The following ZFHX3 variants were observed in gnomAD, a reference collection of about 807,000 sequenced individuals.
ZFHX3 encodes the protein zinc finger homeobox 3.
Under a neutral mutation model 279.1 loss-of-function variants are expected in ZFHX3, and 42 were observed. The ratio of observed to expected loss-of-function variants is 0.15; its 90% CI spans 0.12 to 0.19. ZFHX3 has a LOEUF of 0.19. Ranked by LOEUF, ZFHX3 falls within the 10% of genes least tolerant of loss-of-function variation. The pLI, the probability that ZFHX3 is intolerant of heterozygous loss-of-function variation, is 1.00. For synonymous variants in ZFHX3, 2,293 were observed against 1,957.8 expected (o/e 1.17, Z -4.52); for missense variants, 4,981 against 4,754.0 (o/e 1.05, Z -1.40).
At chr16:73,781,925 T>A (rs1281340038) in intron 1 of ZFHX3, among the ~76,000 whole-genome samples, 3 of 152,120 alleles carry the variant, frequency 2.0e-5, no homozygotes, top group African/African-American at 7.2e-5. Context: ...AGGTGGAGGT[T>A]GCAGTGAGCT....
rs200057022 is a variant in ZFHX3, at chr16:72,957,412, C to A, written c.2719+15G>T. 3,204 of 1,587,154 alleles carry A rather than the reference C, an allele frequency of 2.0e-3. 4 individuals are homozygous for A. The highest frequency in any genetic ancestry group is 2.4e-3 in the Non-Finnish European group (2,821 of 1,165,920). ...CTCCTATCATGAAAACAGACAAACA[C>A]GTAGTCATCCTCACCTAGAGCAGGC... On this transcript the variant is annotated intron_variant, in intron 2 of 9. Transcript: ENST00000268489.
At chr16:72,856,365 A>C (rs2037755517) in intron 4 of ZFHX3, among the ~76,000 whole-genome samples, 1 of 152,170 alleles carries the variant, frequency 6.6e-6, no homozygotes, top group South Asian at 2.1e-4. Context: ...GTCATGCAAG[A>C]CCTGGGGGGC....
At chr16:73,280,841 T>G (rs1399229954) in intron 4 of ZFHX3, among the ~76,000 whole-genome samples, 1 of 151,774 alleles carries the variant, frequency 6.6e-6, no homozygotes, top group Non-Finnish European at 1.5e-5. Flanking sequence ...AAATGATAGT[T>G]AGGCATGGTG....
chr16:73,864,690 C>T (rs928433336), intron 1 of ZFHX3, among the ~76,000 whole-genome samples: 1 of 152,094 alleles, frequency 6.6e-6, no homozygotes, highest in African/African-American at 2.4e-5. Flanking sequence ...ACTGCACTCC[C>T]ACCCAGACAA....
chr16:72,862,987 G>A (rs772773898), intron 4 of ZFHX3, among the ~76,000 whole-genome samples: 5 of 152,160 alleles, frequency 3.3e-5, no homozygotes, highest in Admixed American at 6.5e-5. Context: ...GCTCACACCT[G>A]TAATTCCAGC....
At chr16:73,333,142 C>G (rs1320550163) in intron 3 of ZFHX3, among the ~76,000 whole-genome samples, 3 of 152,102 alleles carry the variant, frequency 2.0e-5, no homozygotes, top group Non-Finnish European at 4.4e-5. Flanking sequence ...AGTAGATAGA[C>G]ACATACATGG....
chr16:73,687,570 G>A lies in ZFHX3; in HGVS notation c.-1607-7330C>T, dbSNP rs543030603. ...AAGATTTAGTAACTATTGACCGGGT[G>A]CGGTGGCTCACATCTGTAATCCCAG... On this transcript the variant is annotated intron_variant, in intron 1 of 17. Transcript: ENST00000641206. 9.1e-4 allele frequency among the ~76,000 whole-genome samples: 139 copies of A among 152,156 alleles called. 1 individual carries two copies. The highest frequency in any genetic ancestry group is 3.1e-4 in the Non-Finnish European group (21 of 67,992).
intron 3 of ZFHX3, among the ~76,000 whole-genome samples, chr16:73,431,868 G>A (rs2017917490): frequency 1.3e-5 from 2 of 152,128 alleles, no homozygotes; most frequent in African/African-American, 4.8e-5. Flanking sequence ...AGTGTCATTG[G>A]AGGTGAGTCT....
At chr16:73,720,506 T>C (rs2053464231) in intron 1 of ZFHX3, among the ~76,000 whole-genome samples, 1 of 152,220 alleles carries the variant, frequency 6.6e-6, no homozygotes, top group South Asian at 2.1e-4. Context: ...TTTTAAATCA[T>C]GCTTTTAAAG....
rs1567409723 is a variant in ZFHX3, at chr16:73,784,806, T to TACACACACAC, written c.-1607-104567_-1607-104566insGTGTGTGTGT. On this transcript the variant is annotated intron_variant, in intron 1 of 17. Transcript: ENST00000641206. The stretch of plus-strand genomic sequence containing the variant: ...CAAAATAAAAAAAAAAATATATATA[T>TACACACACAC]ATATATATATACACACACACACACA... Among the ~76,000 whole-genome samples, 1,163 of 121,724 alleles carry TACACACACAC rather than the reference T, an allele frequency of 9.6e-3. 10 individuals are homozygous for TACACACACAC. Among genetic ancestry groups the TACACACACAC allele is most frequent in the African/African-American group, 0.047 (1,111 of 23,832 alleles). 79.9% of individuals were successfully genotyped at this position (121,724 alleles called of 152,430 possible). A position where few individuals can be genotyped will look rare whatever the true frequency, so the allele number is the denominator to read the frequency against.
chr16:73,476,576 A>G (rs913805269), intron 2 of ZFHX3, among the ~76,000 whole-genome samples: 1 of 152,200 alleles, frequency 6.6e-6, no homozygotes. Flanking sequence ...TTAAACCACT[A>G]CAATTTTTAA....
intron 7 of ZFHX3, among the ~76,000 whole-genome samples, chr16:73,105,442 C>T (rs34107874): frequency 0.018 from 1,134 of 61,352 alleles, 33 homozygotes; most frequent in African/African-American, 0.061. Context: ...TACACACACA[C>T]ACATATATAT....
Position 72,785,898 on chromosome 16 carries a change from CT to C in ZFHX3, c.*1265del, listed in dbSNP as rs1442235946. On this transcript the variant is annotated 3_prime_UTR_variant, in exon 10 of 10. Coordinates refer to ENST00000268489, the MANE Select transcript of ZFHX3 (RefSeq NM_006885.4). ...GACACAGGTAACTAGAATTATATGC[CT>C]TTAAAAAGTTTCAACTCCCCAACCA... 6.6e-6 allele frequency: 1 copy of C among 152,100 alleles called. No homozygotes were observed. The highest frequency in any genetic ancestry group is 2.4e-5 in the African/African-American group (1 of 41,426). 9.4% of individuals were successfully genotyped at this position (152,100 alleles called of 1,614,324 possible). A position where few individuals can be genotyped will look rare whatever the true frequency, so the allele number is the denominator to read the frequency against.
At position 72,788,367 on chromosome 16, in the gene ZFHX3, G is replaced by A; in HGVS notation, c.9909C>T (p.Leu3303=). The part of the protein sequence containing the change: ...AALTSDPTAL[L]TSQFLPYFVP... The stretch of plus-strand genomic sequence containing the variant: ...CAAAGTAAGGAAGGAACTGGCTTGT[G>A]AGCAATGCTGTGGGGTCCGAAGTCA... The change falls in exon 10 of 10, where the codon CTC becomes CTT. Residue 3303 remains leucine (L), a synonymous_variant. Coordinates refer to ENST00000268489, the MANE Select transcript of ZFHX3 (RefSeq NM_006885.4). 6.2e-6 allele frequency: 10 copies of A among 1,614,208 alleles called. No homozygotes were observed. The highest frequency in any genetic ancestry group is 8.5e-6 in the Non-Finnish European group (10 of 1,180,026).
At chr16:73,359,294 G>T (rs1002194816) in intron 3 of ZFHX3, among the ~76,000 whole-genome samples, 2 of 151,994 alleles carry the variant, frequency 1.3e-5, no homozygotes, top group Non-Finnish European at 2.9e-5. Flanking sequence ...CAAAAGGAAG[G>T]AGTAGAGAAT....
chr16:73,746,095 G>T (rs2053700925), intron 1 of ZFHX3, among the ~76,000 whole-genome samples: 1 of 151,910 alleles, frequency 6.6e-6, no homozygotes, highest in South Asian at 2.1e-4. Context: ...AGAAAGGGAG[G>T]GAAGGAAATG....
At chr16:73,682,177 T>C (rs1023648719) in intron 1 of ZFHX3, among the ~76,000 whole-genome samples, 1 of 152,166 alleles carries the variant, frequency 6.6e-6, no homozygotes, top group African/African-American at 2.4e-5. Context: ...GAGGATAAAA[T>C]AAGGTAATAT....
At chr16:73,017,539 T>C (rs1175110391) in intron 1 of ZFHX3, among the ~76,000 whole-genome samples, 1 of 152,170 alleles carries the variant, frequency 6.6e-6, no homozygotes, top group East Asian at 1.9e-4. Context: ...TCCCCACCAA[T>C]GTCTTGGCTG....
At chr16:73,583,806 G>C (rs1452204660) in intron 2 of ZFHX3, among the ~76,000 whole-genome samples, 1 of 152,018 alleles carries the variant, frequency 6.6e-6, no homozygotes, top group Admixed American at 6.6e-5. Flanking sequence ...AATAAACAGA[G>C]TATTAAGACC....
Sources: allele counts gnomAD v4.1 joint callset (sites outside exome capture counted in the v4.1 genomes callset), GRCh38; gene constraint gnomAD v4.1.1; transcripts MANE v1.5; gene names NCBI Gene and HGNC (gene_info 2026-07-23, HGNC 2026-07-21).